Variants in PTPRD observed in about 807,000 individuals in gnomAD.
The protein encoded by PTPRD is protein tyrosine phosphatase receptor type D.
Under a neutral mutation model 214.5 loss-of-function variants are expected in PTPRD, and 34 were observed. The ratio of observed to expected loss-of-function variants is 0.16; its 90% CI spans 0.12 to 0.21. The LOEUF (loss-of-function observed/expected upper bound fraction) is 0.21. Among genes scored for constraint, PTPRD ranks in the 10% least tolerant of loss-of-function variants. PTPRD has a pLI of 1.00. For missense variants in PTPRD, 2,545 were observed against 2,398.7 expected, an observed-to-expected ratio of 1.06 and a Z score of -1.27; for synonymous variants, 1,128 against 845.7, an observed-to-expected ratio of 1.33 and a Z score of -5.79.
At chr9:10,051,467 T>C (rs2097533783) in intron 3 of PTPRD, among the ~76,000 whole-genome samples, 1 of 152,108 alleles carries the variant, frequency 6.6e-6, no homozygotes. Context: ...ATTATTATTA[T>C]ACTTTAAGTT....
chr9:9,899,940 A>G (rs1210550781), intron 5 of PTPRD, among the ~76,000 whole-genome samples: 1 of 152,188 alleles, frequency 6.6e-6, no homozygotes, highest in Non-Finnish European at 1.5e-5. Context: ...TAAGCCAAGC[A>G]CACAAAGACA....
At chr9:10,312,442 C>G (rs935349701) in intron 3 of PTPRD, among the ~76,000 whole-genome samples, 1 of 151,764 alleles carries the variant, frequency 6.6e-6, no homozygotes, top group Non-Finnish European at 1.5e-5. Flanking sequence ...ATATAGACGC[C>G]TTTTAGTTTT....
chr9:10,391,464 A>T (rs1267332791), intron 2 of PTPRD, among the ~76,000 whole-genome samples: 3 of 151,746 alleles, frequency 2.0e-5, no homozygotes, highest in Non-Finnish European at 4.4e-5. Flanking sequence ...TTCAATTATC[A>T]CAAAGGAATG....
chr9:8,945,538 T>C (rs1271211542), intron 11 of PTPRD, among the ~76,000 whole-genome samples: 1 of 152,098 alleles, frequency 6.6e-6, no homozygotes, highest in African/African-American at 2.4e-5. Flanking sequence ...TCCATAAAGA[T>C]ACTCCTACAG....
rs138951852 is a variant in PTPRD, at chr9:8,764,570, G to A, written c.-103-30624C>T. Among the ~76,000 whole-genome samples the A allele has an allele frequency of 5.8e-3, 878 of 152,120 alleles. 35 individuals carry two copies. Among genetic ancestry groups the A allele is most frequent in the Admixed American group, 0.04 (614 of 15,280 alleles). ...CCCAGCACTTAGGAAGGCCAAGGTG[G>A]GTGGATCACAAGGTCAGGAGTTCAA... On this transcript the variant is annotated intron_variant, in intron 11 of 45. Transcript: ENST00000381196.
At chr9:10,235,003 G>GATATAT (rs146414523) in intron 3 of PTPRD, among the ~76,000 whole-genome samples, 4 of 150,724 alleles carry the variant, frequency 2.7e-5, no homozygotes, top group African/African-American at 9.7e-5. Flanking sequence ...TATATATAAG[G>GATATAT]ATATATATAT....
chr9:9,580,511 A>G (rs1050224250), intron 7 of PTPRD, among the ~76,000 whole-genome samples: 3 of 149,264 alleles, frequency 2.0e-5, no homozygotes. Context: ...TTTCTTTTGA[A>G]TGGTGTCTAT....
chr9:10,207,366 A>G (rs2099488541), intron 3 of PTPRD, among the ~76,000 whole-genome samples: 1 of 152,020 alleles, frequency 6.6e-6, no homozygotes. Flanking sequence ...CATGAGAGAC[A>G]TTGGTCTGTA....
rs1822559501 is a variant in PTPRD, at chr9:8,317,217, T to C, written c.*657A>G. The stretch of plus-strand genomic sequence containing the variant: ...AGCAAGATATTACAGATAACAGTTC[T>C]ACAGCTTAAAAAAACCTACGATTTG... On this transcript the variant is annotated 3_prime_UTR_variant, in exon 46 of 46. Transcript: ENST00000381196. 4.3e-6 allele frequency: 1 copy of C among 231,508 alleles called. No individual in the cohort carries two copies. Among genetic ancestry groups the C allele is most frequent in the Non-Finnish European group, 8.6e-6 (1 of 116,908 alleles). 14.3% of individuals were successfully genotyped at this position (231,508 alleles called of 1,614,324 possible). A position where few individuals can be genotyped will look rare whatever the true frequency, so the allele number is the denominator to read the frequency against.
chr9:8,764,722 G>T (rs183432257), intron 11 of PTPRD, among the ~76,000 whole-genome samples: 1 of 151,830 alleles, frequency 6.6e-6, no homozygotes, highest in Non-Finnish European at 1.5e-5. Context: ...TTGAACCCGG[G>T]AGCTGGAGGT....
At chr9:10,086,222 G>T (rs114576622) in intron 3 of PTPRD, among the ~76,000 whole-genome samples, 2 of 151,750 alleles carry the variant, frequency 1.3e-5, no homozygotes, top group African/African-American at 4.8e-5. Flanking sequence ...GTGTAACAGC[G>T]CTGTAGACTT....
chr9:9,820,811 C>T (rs12336546), intron 5 of PTPRD, among the ~76,000 whole-genome samples: 2 of 151,972 alleles, frequency 1.3e-5, no homozygotes, highest in Admixed American at 6.6e-5. Flanking sequence ...GGCTTTATTT[C>T]TGGGTTCTCT....
chr9:8,680,524 A>G (rs2097530905), intron 12 of PTPRD, among the ~76,000 whole-genome samples: 1 of 152,188 alleles, frequency 6.6e-6, no homozygotes, highest in Admixed American at 6.6e-5. Flanking sequence ...GAACCTAGTA[A>G]ATTCAATAGC....
At chr9:10,316,192 T>C (rs1487782749) in intron 3 of PTPRD, among the ~76,000 whole-genome samples, 1 of 143,794 alleles carries the variant, frequency 7.0e-6, no homozygotes, top group Non-Finnish European at 1.5e-5. Context: ...TATACATATA[T>C]ATAGACACAC....
At chr9:9,872,612 C>T (rs538623490) in intron 5 of PTPRD, among the ~76,000 whole-genome samples, 111 of 152,048 alleles carry the variant, frequency 7.3e-4, no homozygotes, top group African/African-American at 2.6e-3. Flanking sequence ...ACCACCACCA[C>T]CAATAAAATG....
intron 11 of PTPRD, among the ~76,000 whole-genome samples, chr9:8,791,001 G>A (rs1301899522): frequency 1.3e-5 from 2 of 152,114 alleles, no homozygotes; most frequent in African/African-American, 4.8e-5. Flanking sequence ...AGGCAGTGCT[G>A]CTATAGCCAA....
intron 3 of PTPRD, among the ~76,000 whole-genome samples, chr9:10,270,534 G>T (rs149483015): frequency 1.1e-3 from 163 of 152,274 alleles, no homozygotes; most frequent in African/African-American, 3.7e-3. Flanking sequence ...ATTTGAATAA[G>T]ATGTTAAATG....
At chr9:9,360,295 C>A (rs1335797319) in intron 9 of PTPRD, among the ~76,000 whole-genome samples, 3 of 149,654 alleles carry the variant, frequency 2.0e-5, no homozygotes, top group Admixed American at 6.7e-5. Flanking sequence ...AAGAGAGAAA[C>A]AATAAAAATA....
intron 7 of PTPRD, among the ~76,000 whole-genome samples, chr9:9,654,293 G>A (rs912455970): frequency 1.3e-5 from 2 of 151,878 alleles, no homozygotes; most frequent in East Asian, 1.9e-4. Flanking sequence ...ATTTTAAGAG[G>A]GATAGTAACA....
Sources: allele counts gnomAD v4.1 joint callset (sites outside exome capture counted in the v4.1 genomes callset), GRCh38; gene constraint gnomAD v4.1.1; transcripts MANE v1.5; gene names NCBI Gene and HGNC (gene_info 2026-07-23, HGNC 2026-07-21).